The following RRBP1 variants were observed in gnomAD, a reference collection of about 807,000 sequenced individuals.
The protein encoded by RRBP1 is ribosome binding protein 1, also known as ribosome-binding protein 1.
RRBP1 carries 94 observed loss-of-function variants against 165.2 expected under a neutral mutation model. That is an observed-to-expected ratio of 0.57 (90% CI 0.48 to 0.68). RRBP1 has a LOEUF of 0.68. RRBP1 is among the 30% of genes least tolerant of loss of function. The pLI is 0.00. For synonymous variants in RRBP1, 680 were observed against 714.5 expected, an observed-to-expected ratio of 0.95 and a Z score of 0.77; for missense variants, 1,676 against 1,763.0, an observed-to-expected ratio of 0.95 and a Z score of 0.88.
At position 17,671,991 on chromosome 20, in the gene RRBP1, C is replaced by T. The variant is rs73094211; in HGVS notation, c.-22+8008G>A. ...CATGCTCTTCAAAGAAAAGGGAGCA[C>T]GTGGCTGCCATGTGCCAGGAGGCTG... is the stretch of plus-strand genomic sequence containing the variant. On this transcript the variant is annotated intron_variant, in intron 2 of 24. Transcript: ENST00000377813. Among the ~76,000 whole-genome samples the T allele has an allele frequency of 1.4e-3, 207 of 152,336 alleles. 2 individuals carry two copies. The highest frequency in any genetic ancestry group is 1.6e-3 in the African/African-American group (68 of 41,560).
At chr20:17,636,215 T>C (rs1362970526) in intron 6 of RRBP1, among the ~76,000 whole-genome samples, 1 of 152,168 alleles carries the variant, frequency 6.6e-6, no homozygotes, top group Non-Finnish European at 1.5e-5. Context: ...CCCCACCATG[T>C]GGAAAGAAGA....
At chr20:17,653,849 AAAG>A (rs1327920579) in intron 3 of RRBP1, among the ~76,000 whole-genome samples, 1 of 151,654 alleles carries the variant, frequency 6.6e-6, no homozygotes, top group African/African-American at 2.4e-5. Context: ...AAAAAAAAAA[AAAG>A]AACAGCCTCC....
At chr20:17,631,969 CT>C (rs1408818568) in intron 8 of RRBP1, among the ~76,000 whole-genome samples, 1 of 152,230 alleles carries the variant, frequency 6.6e-6, no homozygotes, top group Non-Finnish European at 1.5e-5. Context: ...ACATTGAGCT[CT>C]TTTTCTGAAA....
In RRBP1 at chr20:17,660,035, T is replaced by C; in HGVS notation, c.473A>G (p.Asn158Ser). 5 of 1,613,526 alleles carry C rather than the reference T, an allele frequency of 3.1e-6. No homozygotes were observed. Among genetic ancestry groups the C allele is most frequent in the Non-Finnish European group, 4.2e-6 (5 of 1,179,734 alleles). Residue 158 changes from asparagine to serine, a missense_variant, in exon 3 of 25, where the codon AAT (asparagine) becomes AGT (serine). Transcript: ENST00000377813. Reference sequence around the variant, plus strand: ...CTTCGAAGTGAGAACCTGGATGGAATTCACTACAGAGCTGACAGCTGGTTC... The same window carrying C: ...CTTCGAAGTGAGAACCTGGATGGAACTCACTACAGAGCTGACAGCTGGTTC... ...KVEPAVSSVV[N>S]SIQVLTSKAA...
intron 5 of RRBP1, among the ~76,000 whole-genome samples, chr20:17,638,508 C>A (rs111683715): frequency 6.6e-6 from 1 of 152,144 alleles, no homozygotes; most frequent in Admixed American, 6.5e-5. Flanking sequence ...GTCCCAAGGC[C>A]GCCAGGATTC....
At chr20:17,666,201 C>G (rs768986721) in intron 2 of RRBP1, among the ~76,000 whole-genome samples, 13 of 152,154 alleles carry the variant, frequency 8.5e-5, no homozygotes, top group Non-Finnish European at 1.3e-4. Context: ...TAGAGCACTA[C>G]ACTGATTTAA....
At chr20:17,627,858 G>C (rs544940051) in intron 9 of RRBP1, among the ~76,000 whole-genome samples, 176 bp from the exon 10 acceptor site, 1 of 152,202 alleles carries the variant, frequency 6.6e-6, no homozygotes, top group Non-Finnish European at 1.5e-5. Context: ...TCTTGTTAGC[G>C]GTTGAAGAAA....
rs758442090 is a variant in RRBP1, at chr20:17,660,234, CATTGGGGGCTGGATCATG to C, written c.256_273del (p.His86_Asn91del). 1 of 1,612,798 alleles carries C rather than the reference CATTGGGGGCTGGATCATG, an allele frequency of 6.2e-7. No homozygotes were observed. The highest frequency in any genetic ancestry group is 8.5e-7 in the Non-Finnish European group (1 of 1,179,304). On this transcript the variant is annotated inframe_deletion, in exon 3 of 25. Transcript: ENST00000377813. Reference sequence around the variant, plus strand: ...ACTGGTTCTCGAAGGAGGACAGTCACATTGGGGGCTGGATCATGATCAGGTATCTTCCCATTAGGTTTC... The same window carrying C: ...ACTGGTTCTCGAAGGAGGACAGTCACATCAGGTATCTTCCCATTAGGTTTC...
intron 3 of RRBP1, among the ~76,000 whole-genome samples, chr20:17,656,623 A>T (rs2036650331): frequency 6.6e-6 from 1 of 152,146 alleles, no homozygotes; most frequent in Non-Finnish European, 1.5e-5. Context: ...ACTTGTAATT[A>T]CAACAGTTGG....
chr20:17,664,586 T>G (rs1230781625), intron 2 of RRBP1, among the ~76,000 whole-genome samples: 1 of 152,224 alleles, frequency 6.6e-6, no homozygotes, highest in Non-Finnish European at 1.5e-5. Context: ...TCTTCTGTTC[T>G]TAAGATTCGG....
chr20:17,627,489 A>G lies in RRBP1; in HGVS notation c.2928+15T>C, dbSNP rs2036050440. The G allele has an allele frequency of 6.2e-7, 1 of 1,605,958 alleles. No homozygotes were observed. The highest frequency in any genetic ancestry group is 8.5e-7 in the Non-Finnish European group (1 of 1,174,994). On this transcript the variant is annotated intron_variant, in intron 10 of 24. Transcript: ENST00000377813. ...AGTTCCCTTTCCTCCCCGTGGCCCC[A>G]GGCAGAAGGCTGACCTGGACGTCCT...
chr20:17,620,149 G>C (rs1243681306), intron 18 of RRBP1, 150 bp downstream of exon 18: 5 of 686,558 alleles, frequency 7.3e-6, no homozygotes, highest in South Asian at 1.7e-5. Flanking sequence ...GGAAAAACAG[G>C]ATGGACAAGA....
Position 17,621,791 on chromosome 20 carries a change from C to G in RRBP1, c.3241-18G>C. The G allele has an allele frequency of 6.2e-7, 1 of 1,613,656 alleles. No individual in the cohort carries two copies. Among genetic ancestry groups the G allele is most frequent in the Non-Finnish European group, 8.5e-7 (1 of 1,179,762 alleles). ...GTGTAATTCTGCAATGAAACACATT[C>G]GGTGAGACCCGGGGACATTCCCTGA... is the stretch of plus-strand genomic sequence containing the variant. On this transcript the variant is annotated intron_variant, in intron 14 of 24. Transcript: ENST00000377813.
chr20:17,674,190 G>A (rs908878033), intron 2 of RRBP1, among the ~76,000 whole-genome samples: 1 of 152,126 alleles, frequency 6.6e-6, no homozygotes, highest in Non-Finnish European at 1.5e-5. Flanking sequence ...AGACATTCCC[G>A]TTAGAAAGGG....
chr20:17,618,886 A>T, intron 19 of RRBP1: 2 of 572,894 alleles, frequency 3.5e-6, no homozygotes, highest in Admixed American at 6.0e-5. Context: ...AATGGTGTTC[A>T]CTGCGTACCT....
intron 19 of RRBP1, chr20:17,619,245 G>A (rs2035861682): frequency 5.2e-6 from 1 of 193,262 alleles, no homozygotes; most frequent in Admixed American, 5.5e-5. Flanking sequence ...AACCAGAATT[G>A]GGATACTGGG....
At chr20:17,617,301 G>A (rs919077572) in intron 20 of RRBP1, among the ~76,000 whole-genome samples, 10 of 152,224 alleles carry the variant, frequency 6.6e-5, no homozygotes, top group African/African-American at 1.7e-4. Flanking sequence ...CATCACTGGG[G>A]TTAGGTGGCA....
chr20:17,660,660 CCCA>C, intron 2 of RRBP1, 132 bp from the exon 3 acceptor site: 1 of 629,546 alleles, frequency 1.6e-6, no homozygotes. Flanking sequence ...AAGAAACAAA[CCCA>C]GGCACTCTCT....
At chr20:17,673,186 G>A (rs2037012266) in intron 2 of RRBP1, among the ~76,000 whole-genome samples, 2 of 152,216 alleles carry the variant, frequency 1.3e-5, no homozygotes, top group Non-Finnish European at 2.9e-5. Flanking sequence ...AGATCCTGGA[G>A]GAGGAGCATC....
Sources: allele counts gnomAD v4.1 joint callset (sites outside exome capture counted in the v4.1 genomes callset), GRCh38; gene constraint gnomAD v4.1.1; transcripts MANE v1.5; gene names NCBI Gene and HGNC (gene_info 2026-07-23, HGNC 2026-07-21).